CACNA2D3: variants seen among roughly 807,000 people sequenced by gnomAD.
CACNA2D3 encodes calcium voltage-gated channel auxiliary subunit alpha2delta 3.
A neutral mutation model predicts 160.6 loss-of-function variants in CACNA2D3; 60 were observed. The ratio of observed to expected loss-of-function variants is 0.37; its 90% CI spans 0.30 to 0.46. CACNA2D3 has a LOEUF of 0.46. Ranked by LOEUF, CACNA2D3 falls within the 20% of genes least tolerant of loss-of-function variation. The pLI is 1.00. For synonymous variants in CACNA2D3, 558 were observed against 492.9 expected, an observed-to-expected ratio of 1.13 and a Z score of -1.75; for missense variants, 1,205 against 1,365.0, an observed-to-expected ratio of 0.88 and a Z score of 1.85.
chr3:54,353,626 G>T (rs576820591), intron 3 of CACNA2D3, among the ~76,000 whole-genome samples: 1 of 152,060 alleles, frequency 6.6e-6, no homozygotes, highest in Non-Finnish European at 1.5e-5. Flanking sequence ...ATGCAGTAGC[G>T]CAGAGTAGTG....
chr3:54,122,804 G>A lies in CACNA2D3; in HGVS notation c.91G>A (p.Val31Met). ...TCTCTACGCCGCGCTGGGGGACGTG[G>A]TGCGCTCGGAGCAGCAGATACCGCT... Reference protein sequence around the residue: ...ALLYAALGDVVRSEQQIPLSV... With the variant: ...ALLYAALGDVMRSEQQIPLSV... The change falls in exon 1 of 38, where the codon GTG becomes ATG. Residue 31 changes from valine to methionine, a missense_variant. Coordinates refer to ENST00000474759, the MANE Select transcript of CACNA2D3 (RefSeq NM_018398.3). 8.1e-7 allele frequency: 1 copy of A among 1,232,624 alleles called. No individual in the cohort carries two copies. The highest frequency in any genetic ancestry group is 1.0e-6 in the Non-Finnish European group (1 of 982,844). 76.4% of individuals were successfully genotyped at this position (1,232,624 alleles called of 1,614,324 possible). A position where few individuals can be genotyped will look rare whatever the true frequency, so the allele number is the denominator to read the frequency against.
At chr3:54,333,915 C>G (rs1404173168) in intron 3 of CACNA2D3, among the ~76,000 whole-genome samples, 1 of 152,192 alleles carries the variant, frequency 6.6e-6, no homozygotes, top group Admixed American at 6.5e-5. Context: ...TATAAGGAGA[C>G]AATGCATAAT....
chr3:54,165,638 G>C (rs1223247639), intron 2 of CACNA2D3, among the ~76,000 whole-genome samples: 1 of 151,248 alleles, frequency 6.6e-6, no homozygotes, highest in Non-Finnish European at 1.5e-5. Flanking sequence ...AGCCAGGTGT[G>C]GTGGTGCACA....
At chr3:54,351,723 A>G (rs977832233) in intron 3 of CACNA2D3, among the ~76,000 whole-genome samples, 2 of 152,210 alleles carry the variant, frequency 1.3e-5, no homozygotes, top group African/African-American at 4.8e-5. Context: ...CTCTCTGCCT[A>G]CCACCCTATA....
chr3:54,393,507 G>T (rs1383535794), intron 4 of CACNA2D3, among the ~76,000 whole-genome samples: 1 of 152,180 alleles, frequency 6.6e-6, no homozygotes, highest in Non-Finnish European at 1.5e-5. Flanking sequence ...TCCCTAAGCT[G>T]AGCTGCTGCT....
chr3:54,547,277 G>A (rs1702079808), intron 5 of CACNA2D3, among the ~76,000 whole-genome samples: 1 of 152,144 alleles, frequency 6.6e-6, no homozygotes, highest in Admixed American at 6.5e-5. Flanking sequence ...ATAGTTCAGG[G>A]AGGTTTACAA....
chr3:54,790,341 G>T (rs2106644798), intron 13 of CACNA2D3, among the ~76,000 whole-genome samples: 1 of 152,258 alleles, frequency 6.6e-6, no homozygotes, highest in South Asian at 2.1e-4. Context: ...AAGTAGGGTT[G>T]CCTGCTGCTA....
At chr3:54,891,231 CT>C (rs1700059803) in intron 24 of CACNA2D3, 123 bp from the exon 25 acceptor site, 1 of 517,370 alleles carries the variant, frequency 1.9e-6, no homozygotes, top group African/African-American at 2.3e-5. Context: ...GTTTCTGTAT[CT>C]TCTTTTAAAG....
At chr3:54,915,301 T>C (rs1362761823) in intron 27 of CACNA2D3, among the ~76,000 whole-genome samples, 5 of 152,192 alleles carry the variant, frequency 3.3e-5, no homozygotes, top group African/African-American at 7.2e-5. Flanking sequence ...TATGCCTCAC[T>C]ACAGACAGCT....
intron 3 of CACNA2D3, among the ~76,000 whole-genome samples, chr3:54,323,008 T>C (rs779221987): frequency 6.6e-6 from 1 of 152,194 alleles, no homozygotes; most frequent in Non-Finnish European, 1.5e-5. Flanking sequence ...TGTAACATCT[T>C]GGTTAATTGG....
At chr3:54,875,558 G>A (rs1699639706) in intron 18 of CACNA2D3, 1 of 152,262 alleles carries the variant, frequency 6.6e-6, no homozygotes, top group African/African-American at 2.4e-5. Flanking sequence ...GGTGGCCAGT[G>A]AATCTCTGGG....
chr3:54,142,175 C>T (rs546021830), intron 2 of CACNA2D3, among the ~76,000 whole-genome samples: 15 of 152,308 alleles, frequency 9.8e-5, no homozygotes, highest in South Asian at 6.2e-4. Flanking sequence ...GTGACCCTTT[C>T]CTGTCCTGGT....
intron 5 of CACNA2D3, among the ~76,000 whole-genome samples, chr3:54,560,651 G>A (rs1199713319): frequency 1.3e-5 from 2 of 152,092 alleles, no homozygotes; most frequent in Admixed American, 6.6e-5. Flanking sequence ...ATATTTGCCT[G>A]TGCCTGTGTC....
chr3:54,996,143 C>T (rs1476633526), intron 31 of CACNA2D3, among the ~76,000 whole-genome samples: 1 of 152,240 alleles, frequency 6.6e-6, no homozygotes, highest in African/African-American at 2.4e-5. Context: ...AAGTGCAGTA[C>T]AGGCATCATT....
At chr3:54,179,489 G>A (rs539019731) in intron 2 of CACNA2D3, among the ~76,000 whole-genome samples, 1 of 152,198 alleles carries the variant, frequency 6.6e-6, no homozygotes, top group Non-Finnish European at 1.5e-5. Flanking sequence ...ACGCCCTCAT[G>A]CCTCCTGCCC....
chr3:54,677,511 C>T (rs970433084), intron 11 of CACNA2D3, among the ~76,000 whole-genome samples: 1 of 151,464 alleles, frequency 6.6e-6, no homozygotes, highest in Non-Finnish European at 1.5e-5. Flanking sequence ...TTTAACATTC[C>T]TTTGAAAGCA....
At chr3:54,460,287 G>C (rs1700476919) in intron 4 of CACNA2D3, among the ~76,000 whole-genome samples, 1 of 152,162 alleles carries the variant, frequency 6.6e-6, no homozygotes, top group Non-Finnish European at 1.5e-5. Context: ...GAACTTTAAA[G>C]TAGTTTTTTT....
intron 4 of CACNA2D3, among the ~76,000 whole-genome samples, chr3:54,485,175 A>C (rs968556911): frequency 6.6e-6 from 1 of 152,132 alleles, no homozygotes; most frequent in African/African-American, 2.4e-5. Context: ...AATACAGTTT[A>C]CTACTACTAA....
intron 35 of CACNA2D3, among the ~76,000 whole-genome samples, chr3:55,051,925 G>A (rs538476234): frequency 6.6e-6 from 1 of 152,270 alleles, no homozygotes; most frequent in South Asian, 2.1e-4. Context: ...CTGACCCCTT[G>A]CGCTTCCCAA....
Sources: allele counts gnomAD v4.1 joint callset (sites outside exome capture counted in the v4.1 genomes callset), GRCh38; gene constraint gnomAD v4.1.1; transcripts MANE v1.5; gene names NCBI Gene and HGNC (gene_info 2026-07-23, HGNC 2026-07-21).